The following GOT2 variants were observed in gnomAD, a reference collection of about 807,000 sequenced individuals.
The protein encoded by GOT2 is glutamic-oxaloacetic transaminase 2.
Under a neutral mutation model 50.0 loss-of-function variants are expected in GOT2, and 17 were observed. The observed-to-expected ratio is 0.34, with a 90% CI of 0.23 to 0.51. GOT2 has a LOEUF of 0.51. Among genes scored for constraint, GOT2 ranks in the 20% least tolerant of loss-of-function variants. The pLI is 0.97. For missense variants in GOT2, 430 were observed against 559.6 expected, an observed-to-expected ratio of 0.77 and a Z score of 2.34; for synonymous variants, 172 against 204.9, an observed-to-expected ratio of 0.84 and a Z score of 1.37.
At chr16:58,708,450 CT>C (rs2044620614) in intron 9 of GOT2, among the ~76,000 whole-genome samples, 157 bp from the exon 10 acceptor site, 1 of 152,080 alleles carries the variant, frequency 6.6e-6, no homozygotes, top group Non-Finnish European at 1.5e-5. Flanking sequence ...GAATAAAAAG[CT>C]ACTTTAAGGC....
rs891400638 is a variant in GOT2, at chr16:58,724,111, G to A, written c.90-209C>T. Among the ~76,000 whole-genome samples, 8 of 151,966 alleles carry A rather than the reference G, an allele frequency of 5.3e-5. No individual in the cohort carries two copies. The East Asian group carries it at 5.8e-4, about 11-fold the overall frequency. ...TGGGATTACAGGCATGCATTACCAC[G>A]TCAGCTAATTTTTGTATTTTTAGTG... is the stretch of plus-strand genomic sequence containing the variant. On this transcript the variant is annotated intron_variant, in intron 1 of 9. Coordinates refer to ENST00000245206, the MANE Select transcript of GOT2 (RefSeq NM_002080.4).
chr16:58,722,994 C>T (rs898858259), intron 2 of GOT2, among the ~76,000 whole-genome samples: 4 of 152,188 alleles, frequency 2.6e-5, no homozygotes, highest in African/African-American at 7.2e-5. Context: ...CACACATCTT[C>T]GTGCTTTGGC....
intron 8 of GOT2, among the ~76,000 whole-genome samples, chr16:58,711,498 T>C (rs2044648028): frequency 6.6e-6 from 1 of 152,198 alleles, no homozygotes; most frequent in East Asian, 1.9e-4. Flanking sequence ...AAACCATCTC[T>C]GTATAATGAT....
chr16:58,714,806 T>C (rs1054804575), intron 8 of GOT2, among the ~76,000 whole-genome samples: 3 of 152,102 alleles, frequency 2.0e-5, no homozygotes, highest in Admixed American at 1.3e-4. Context: ...TATACACATA[T>C]AAGTATATAA....
chr16:58,718,326 G>T, intron 5 of GOT2, 26 bp from the exon 6 acceptor site: 1 of 1,560,970 alleles, frequency 6.4e-7, no homozygotes. Flanking sequence ...GCCAAGAGAC[G>T]ACTTTGCAGC....
intron 3 of GOT2, among the ~76,000 whole-genome samples, chr16:58,720,839 G>A (rs1467148359): frequency 6.6e-6 from 1 of 152,094 alleles, no homozygotes; most frequent in African/African-American, 2.4e-5. Flanking sequence ...ACCCGCCTTG[G>A]TCCCGGAAAG....
chr16:58,723,954 T>C (rs908587449), intron 1 of GOT2, 52 bp from the exon 2 acceptor site: 5 of 1,507,592 alleles, frequency 3.3e-6, no homozygotes, highest in Non-Finnish European at 4.6e-6. Flanking sequence ...CCAAGATCCA[T>C]TTTACTTATT....
intron 3 of GOT2, among the ~76,000 whole-genome samples, chr16:58,721,493 G>A (rs1597702613): frequency 6.6e-6 from 1 of 152,018 alleles, no homozygotes; most frequent in African/African-American, 2.4e-5. Context: ...ATGAGGGTGT[G>A]GGCTAACTGC....
At chr16:58,725,322 C>G (rs1161346633) in intron 1 of GOT2, among the ~76,000 whole-genome samples, 2 of 152,038 alleles carry the variant, frequency 1.3e-5, no homozygotes, top group Admixed American at 1.3e-4. Flanking sequence ...ACCACGTTGG[C>G]CAGGCTGGTC....
intron 1 of GOT2, among the ~76,000 whole-genome samples, chr16:58,726,244 G>C (rs1734695674): frequency 6.6e-6 from 1 of 152,186 alleles, no homozygotes; most frequent in African/African-American, 2.4e-5. Flanking sequence ...GGAATGCAAT[G>C]GTGCGATCTC....
chr16:58,721,754 A>G (rs1434594747), intron 3 of GOT2: 1 of 154,078 alleles, frequency 6.5e-6, no homozygotes, highest in African/African-American at 2.4e-5. Flanking sequence ...TTACACACAA[A>G]ATGAGTTATC....
rs368475401 is a variant in GOT2, at chr16:58,722,152, G to A, written c.373C>T (p.Arg125Trp). The A allele has an allele frequency of 9.3e-6, 15 of 1,611,758 alleles. No individual in the cohort carries two copies. Among genetic ancestry groups the A allele is most frequent in the African/African-American group, 2.7e-5 (2 of 74,804 alleles). The change falls in exon 3 of 10, where the codon CGG becomes TGG. Residue 125 changes from arginine to tryptophan, a missense_variant and splice_region_variant. Transcript: ENST00000245206. Reference protein sequence around the residue: ...GENSEVLKSGRFVTVQTISGT... With the variant: ...GENSEVLKSGWFVTVQTISGT... Reference sequence around the variant, plus strand: ...ATGCCAGAGCCTGCTCAGCTTACCCGGCCACTCTTCAAGACTTCGCTGTTC... The same window carrying A: ...ATGCCAGAGCCTGCTCAGCTTACCCAGCCACTCTTCAAGACTTCGCTGTTC...
intron 6 of GOT2, among the ~76,000 whole-genome samples, chr16:58,717,280 G>A (rs1380730869): frequency 6.6e-6 from 1 of 152,098 alleles, no homozygotes; most frequent in Non-Finnish European, 1.5e-5. Context: ...CAGGGGCTGA[G>A]GTAGGAGGAT....
At position 58,715,460 on chromosome 16, in the gene GOT2, C is replaced by T. The variant is rs369036690; in HGVS notation, c.1019+554G>A. On this transcript the variant is annotated intron_variant, in intron 8 of 9. Coordinates refer to ENST00000245206, the MANE Select transcript of GOT2 (RefSeq NM_002080.4). ...CTGAGGCTGGAGGACTGCTTGAGGCCAGGAGTACAAAGTTACAGTGAGTTA... is the reference window on the plus strand; with the variant it reads ...CTGAGGCTGGAGGACTGCTTGAGGCTAGGAGTACAAAGTTACAGTGAGTTA... Among the ~76,000 whole-genome samples the T allele has an allele frequency of 7.2e-5, 11 of 152,160 alleles. No individual in the cohort carries two copies. The South Asian group carries it at 1.5e-3, about 20-fold the overall frequency.
Position 58,718,248 on chromosome 16 carries a change from G to T in GOT2, c.650C>A (p.Thr217Lys), listed in dbSNP as rs1485847251. ...CTGTTCCGGACGCGGGTCCACTCCC[G>T]TGGGATTGTGGGCGCAGGCATGCAG... ...LLLHACAHNPTGVDPRPEQWK... is the reference protein window; with the variant it reads ...LLLHACAHNPKGVDPRPEQWK... Residue 217 changes from threonine to lysine, a missense_variant, in exon 6 of 10, where the codon ACG (threonine) becomes AAG (lysine). Transcript: ENST00000245206. 6.2e-7 allele frequency: 1 copy of T among 1,614,102 alleles called. No individual in the cohort carries two copies. Among genetic ancestry groups the T allele is most frequent in the Non-Finnish European group, 8.5e-7 (1 of 1,179,944 alleles).
rs973703660 is a variant in GOT2, at chr16:58,722,297, A to C, written c.247-19T>G. 3 of 1,610,776 alleles carry C rather than the reference A, an allele frequency of 1.9e-6. No homozygotes were observed. The highest frequency in any genetic ancestry group is 2.5e-6 in the Non-Finnish European group (3 of 1,177,304). On this transcript the variant is annotated intron_variant, in intron 2 of 9. Coordinates refer to ENST00000245206, the MANE Select transcript of GOT2 (RefSeq NM_002080.4). ...CCTCTGCCTAGACAAGAGAAAATAC[A>C]TCCATTGAATTTCTTCTCCTTACTT...
At chr16:58,719,170 T>G in intron 4 of GOT2, 26 bp downstream of exon 4, 2 of 1,556,400 alleles carry the variant, frequency 1.3e-6, no homozygotes, top group Non-Finnish European at 8.9e-7. Context: ...TTTATAATTC[T>G]TTCCTGAAGA....
chr16:58,714,707 TA>T (rs796807740), intron 8 of GOT2, among the ~76,000 whole-genome samples: 7 of 150,056 alleles, frequency 4.7e-5, no homozygotes, highest in Middle Eastern at 3.4e-3. Context: ...CAAGACTGTT[TA>T]AAAAAAAACA....
At chr16:58,708,849 T>TAAA (rs55838325) in intron 9 of GOT2, among the ~76,000 whole-genome samples, 2 of 146,890 alleles carry the variant, frequency 1.4e-5, no homozygotes, top group South Asian at 2.2e-4. Context: ...GGTAAACAAC[T>TAAA]AAAAAAAAAA....
Sources: allele counts gnomAD v4.1 joint callset (sites outside exome capture counted in the v4.1 genomes callset), GRCh38; gene constraint gnomAD v4.1.1; transcripts MANE v1.5; gene names NCBI Gene and HGNC (gene_info 2026-07-23, HGNC 2026-07-21).